The following ABCC4 variants were observed in gnomAD, a reference collection of about 807,000 sequenced individuals.
ABCC4 encodes ATP-binding cassette sub-family C member 4.
Under a neutral mutation model 168.5 loss-of-function variants are expected in ABCC4, and 102 were observed. The ratio of observed to expected loss-of-function variants is 0.61; its 90% CI spans 0.52 to 0.71. ABCC4 has a LOEUF of 0.71. ABCC4 is among the 30% of genes least tolerant of loss of function. The pLI, the probability that ABCC4 is intolerant of heterozygous loss-of-function variation, is 0.00. For synonymous variants in ABCC4, 617 were observed against 590.7 expected (o/e 1.04, Z -0.65); for missense variants, 1,402 against 1,605.8 (o/e 0.87, Z 2.17).
intron 1 of ABCC4, among the ~76,000 whole-genome samples, chr13:95,283,361 GTTTTTT>G (rs71113906): frequency 1.7e-4 from 15 of 87,262 alleles, no homozygotes; most frequent in Non-Finnish European, 1.9e-4. Flanking sequence ...TTTTTCTGTG[GTTTTTT>G]TTTTTTTTTT....
rs1025383034 is a variant in ABCC4, at chr13:95,079,438, G to T, written c.2686+3702C>A. ...CGGTTTTAATTCTCAAGGCTATAGT[G>T]CCTCTGGTAGTTCCCGTATGTTCAA... is the stretch of plus-strand genomic sequence containing the variant. On this transcript the variant is annotated intron_variant, in intron 21 of 30. Transcript: ENST00000645237. 2.6e-5 allele frequency among the ~76,000 whole-genome samples: 4 copies of T among 152,170 alleles called. No homozygotes were observed. In the South Asian group the frequency reaches 8.3e-4, roughly 32 times the overall value.
At chr13:95,099,247 C>T (rs1454670904) in intron 20 of ABCC4, among the ~76,000 whole-genome samples, 1 of 152,086 alleles carries the variant, frequency 6.6e-6, no homozygotes, top group Non-Finnish European at 1.5e-5. Context: ...ACAAAAGAAT[C>T]CAGCCACAGA....
chr13:95,053,175 A>G lies in ABCC4; in HGVS notation c.3376T>C (p.Leu1126=). The G allele has an allele frequency of 6.2e-7, 1 of 1,614,138 alleles. No homozygotes were observed. The highest frequency in any genetic ancestry group is 8.5e-7 in the Non-Finnish European group (1 of 1,179,982). Reference sequence around the variant, plus strand: ...TTTTTCCTCATTGTTCCAGTGAACAAAACAGGTTCCTAAGTGCCCAAAATA... The same window carrying G: ...TTTTTCCTCATTGTTCCAGTGAACAGAACAGGTTCCTAAGTGCCCAAAATA... ...KMSIIPQEPV[L]FTGTMRKNLD... The change falls in exon 27 of 31, where the codon TTG becomes CTG. Residue 1126 remains leucine (L), a synonymous_variant. Transcript: ENST00000645237.
intron 19 of ABCC4, among the ~76,000 whole-genome samples, chr13:95,131,808 C>A (rs539468981): frequency 9.9e-5 from 15 of 151,974 alleles, no homozygotes; most frequent in Non-Finnish European, 2.1e-4. Context: ...CAAGTGTTGG[C>A]AGGGATGTGA....
At chr13:95,138,795 C>G (rs2036220356) in intron 19 of ABCC4, among the ~76,000 whole-genome samples, 1 of 152,270 alleles carries the variant, frequency 6.6e-6, no homozygotes, top group South Asian at 2.1e-4. Flanking sequence ...CCTTCCTGCT[C>G]TAGGGATAAA....
intron 27 of ABCC4, among the ~76,000 whole-genome samples, chr13:95,049,640 CAAATAAAT>C (rs199553697): frequency 1.1e-4 from 17 of 150,128 alleles, no homozygotes; most frequent in African/African-American, 4.1e-4. Context: ...GACTCTGTCT[CAAATAAAT>C]AAATAAATAA....
At chr13:95,118,255 AT>A (rs11285457) in intron 19 of ABCC4, among the ~76,000 whole-genome samples, 129,565 of 143,880 alleles carry the variant, frequency 0.9, 58,437 homozygotes, top group South Asian at 0.94. Flanking sequence ...AAAAGTTTTA[AT>A]TTTTTTTTTT....
chr13:95,160,223 A>T (rs2037047251), intron 19 of ABCC4, among the ~76,000 whole-genome samples: 1 of 152,124 alleles, frequency 6.6e-6, no homozygotes, highest in Non-Finnish European at 1.5e-5. Context: ...GTGTAATAGC[A>T]CCTATGTGCT....
At chr13:95,279,090 A>T (rs1262869498) in intron 1 of ABCC4, among the ~76,000 whole-genome samples, 4 of 152,210 alleles carry the variant, frequency 2.6e-5, no homozygotes, top group African/African-American at 9.6e-5. Flanking sequence ...ATGCACCAGG[A>T]AACACAGGAT....
intron 10 of ABCC4, among the ~76,000 whole-genome samples, chr13:95,187,201 G>A (rs2038094426): frequency 6.6e-6 from 1 of 152,228 alleles, no homozygotes; most frequent in African/African-American, 2.4e-5. Context: ...TACAGCAACA[G>A]AGTAGCCAAG....
rs370807090 is a variant in ABCC4, at chr13:95,235,840, A to G, written c.307-1006T>C. On this transcript the variant is annotated intron_variant, in intron 3 of 30. Coordinates refer to ENST00000645237, the MANE Select transcript of ABCC4 (RefSeq NM_005845.5). ...TGCCACTTTGGCTCAGGTAGTGTGG[A>G]GTCAAAAATTAAACACAGCAGAAAT... Among the ~76,000 whole-genome samples, 35 of 152,292 alleles carry G rather than the reference A, an allele frequency of 2.3e-4. No homozygotes were observed. In the East Asian group the frequency reaches 6.6e-3, roughly 29 times the overall value.
intron 19 of ABCC4, among the ~76,000 whole-genome samples, chr13:95,126,666 A>AGGTTGG (rs1329985659): frequency 1.3e-4 from 18 of 137,866 alleles, no homozygotes; most frequent in African/African-American, 5.0e-4. Flanking sequence ...AACAGGTGTT[A>AGGTTGG]CACCAAACTG....
At chr13:95,034,048 G>A (rs1192679781) in intron 30 of ABCC4, among the ~76,000 whole-genome samples, 2 of 152,182 alleles carry the variant, frequency 1.3e-5, no homozygotes, top group East Asian at 3.9e-4. Context: ...GAAAACCCAG[G>A]TCAACAGTGA....
intron 20 of ABCC4, chr13:95,096,084 T>C: frequency 2.0e-6 from 1 of 492,368 alleles, no homozygotes. Flanking sequence ...GGCTCATGCC[T>C]ATAATCCCAG....
intron 4 of ABCC4, among the ~76,000 whole-genome samples, chr13:95,213,700 A>G (rs2039027522): frequency 6.6e-6 from 1 of 152,200 alleles, no homozygotes; most frequent in Non-Finnish European, 1.5e-5. Flanking sequence ...CTAGATTAAC[A>G]GCTGTGCACT....
chr13:95,130,187 T>C (rs1397308147), intron 19 of ABCC4, among the ~76,000 whole-genome samples: 1 of 152,208 alleles, frequency 6.6e-6, no homozygotes, highest in East Asian at 1.9e-4. Context: ...TCGACTTTTA[T>C]TGGGTCTTCT....
At chr13:95,206,914 C>A (rs1210756209) in intron 7 of ABCC4, 133 bp from the exon 8 acceptor site, 7 of 974,202 alleles carry the variant, frequency 7.2e-6, no homozygotes, top group East Asian at 4.8e-5. Context: ...CCATCCTGGG[C>A]AACAACAACA....
At chr13:95,162,326 C>A (rs2040642360) in intron 18 of ABCC4, among the ~76,000 whole-genome samples, 1 of 152,182 alleles carries the variant, frequency 6.6e-6, no homozygotes, top group East Asian at 1.9e-4. Context: ...TAGGTTCTTA[C>A]AAAGATAACT....
At position 95,141,656 on chromosome 13, in the gene ABCC4, C is replaced by G. The variant is rs1267004668; in HGVS notation, c.2455+19533G>C. Among the ~76,000 whole-genome samples, 7 of 152,268 alleles carry G rather than the reference C, an allele frequency of 4.6e-5. No individual in the cohort carries two copies. The East Asian group carries it at 1.4e-3, about 29-fold the overall frequency. On this transcript the variant is annotated intron_variant, in intron 19 of 30. Coordinates refer to ENST00000645237, the MANE Select transcript of ABCC4 (RefSeq NM_005845.5). ...AGACTGAGGGGAAATGGTAAAAATACCATAGTTATTCTACTTTGGGCCAAA... is the reference window on the plus strand; with the variant it reads ...AGACTGAGGGGAAATGGTAAAAATAGCATAGTTATTCTACTTTGGGCCAAA...
Sources: allele counts gnomAD v4.1 joint callset (sites outside exome capture counted in the v4.1 genomes callset), GRCh38; gene constraint gnomAD v4.1.1; transcripts MANE v1.5; gene names NCBI Gene and HGNC (gene_info 2026-07-23, HGNC 2026-07-21).